The following UBXN4 variants were observed in gnomAD, a reference collection of about 807,000 sequenced individuals.
UBXN4 encodes the protein UBX domain protein 4, also known as UBX domain-containing protein 4.
In UBXN4, 35 loss-of-function variants were observed where a neutral mutation model predicts 66.2. The observed-to-expected ratio is 0.53, with a 90% confidence interval of 0.40 to 0.70. UBXN4 has a LOEUF of 0.70. UBXN4 is among the 30% of genes least tolerant of loss of function. The probability of loss-of-function intolerance (pLI) is 0.00; values close to 1 mark genes in which losing one functional copy is unlikely to be tolerated. For synonymous variants in UBXN4, 203 were observed against 204.5 expected, an observed-to-expected ratio of 0.99 and a Z score of 0.06; for missense variants, 533 against 599.8, an observed-to-expected ratio of 0.89 and a Z score of 1.16.
rs1160123341 is a variant in UBXN4, at chr2:135,754,388, C to A, written c.333+111C>A. On this transcript the variant is annotated intron_variant, in intron 4 of 12. Transcript: ENST00000272638. ...CCAGGCTGGAGTGCAGTGGTGTGAT[C>A]TCAGCTCAAGTGCAGCCTCCGCCTC... The A allele has an allele frequency of 1.0e-5, 8 of 793,768 alleles. No individual in the cohort carries two copies. In the Admixed American group the frequency reaches 1.7e-4, roughly 17 times the overall value. 49.2% of individuals were successfully genotyped at this position (793,768 alleles called of 1,614,324 possible).
intron 5 of UBXN4, among the ~76,000 whole-genome samples, chr2:135,756,775 G>C (rs2077281321): frequency 6.6e-6 from 1 of 152,020 alleles, no homozygotes; most frequent in Non-Finnish European, 1.5e-5. Flanking sequence ...TTATTGTACA[G>C]GTCTGGAGTT....
intron 6 of UBXN4, among the ~76,000 whole-genome samples, chr2:135,767,994 T>C (rs2077358101): frequency 6.6e-6 from 1 of 152,158 alleles, no homozygotes; most frequent in Non-Finnish European, 1.5e-5. Flanking sequence ...TTTTTGACAG[T>C]ACTCACTCCC....
intron 10 of UBXN4, among the ~76,000 whole-genome samples, chr2:135,777,016 C>T (rs530595759): frequency 2.0e-5 from 3 of 152,334 alleles, no homozygotes; most frequent in Admixed American, 2.0e-4. Flanking sequence ...TTTCTCACTC[C>T]TCTCTCCATT....
chr2:135,757,977 C>T (rs1366502689), intron 5 of UBXN4, among the ~76,000 whole-genome samples: 2 of 152,030 alleles, frequency 1.3e-5, no homozygotes, highest in Non-Finnish European at 2.9e-5. Flanking sequence ...GTGGCACAAA[C>T]ATAGCTCACT....
intron 6 of UBXN4, 101 bp from the exon 7 acceptor site, chr2:135,769,664 GTTTC>G (rs2077370335): frequency 2.3e-6 from 2 of 869,802 alleles, no homozygotes; most frequent in South Asian, 2.4e-5. Flanking sequence ...TTGTTTGTTT[GTTTC>G]TTTATTTCTC....
At chr2:135,754,098 G>A in intron 3 of UBXN4, 61 bp from the exon 4 acceptor site, 1 of 1,144,078 alleles carries the variant, frequency 8.7e-7, no homozygotes, top group Non-Finnish European at 1.3e-6. Context: ...GTTACCAATA[G>A]TGTTTCGTAA....
At chr2:135,774,013 T>C (rs1215869080) in intron 9 of UBXN4, among the ~76,000 whole-genome samples, 1 of 152,182 alleles carries the variant, frequency 6.6e-6, no homozygotes, top group Non-Finnish European at 1.5e-5. Flanking sequence ...CTGGCTTTTT[T>C]CCATAAATTA....
At chr2:135,772,287 C>T in intron 8 of UBXN4, 133 bp from the exon 9 acceptor site, 1 of 1,026,494 alleles carries the variant, frequency 9.7e-7, no homozygotes, top group Non-Finnish European at 1.4e-6. Context: ...TGTGCCACTG[C>T]ACTCCAGCCT....
intron 6 of UBXN4, among the ~76,000 whole-genome samples, chr2:135,766,843 C>T (rs745330263): frequency 1.5e-4 from 23 of 152,226 alleles, no homozygotes; most frequent in Middle Eastern, 6.8e-3. Context: ...AAACTTCACC[C>T]GGTGGTTTCA....
In UBXN4 at chr2:135,771,431, G is replaced by A. The variant is rs961557843; in HGVS notation, c.822+696G>A. On this transcript the variant is annotated intron_variant, in intron 8 of 12. Coordinates refer to ENST00000272638, the MANE Select transcript of UBXN4 (RefSeq NM_014607.4). ...GTGGAAGTTGCAGTAGGCTGACATG[G>A]TGCCATTGCACTCCAGCCTGGGCGA... is the stretch of plus-strand genomic sequence containing the variant. Among the ~76,000 whole-genome samples, 69 of 151,838 alleles carry A rather than the reference G, an allele frequency of 4.5e-4. 2 individuals carry two copies. Among genetic ancestry groups the A allele is most frequent in the Non-Finnish European group, 1.3e-4 (9 of 67,974 alleles).
At chr2:135,745,874 A>ATTTTTTT (rs1491420549) in intron 1 of UBXN4, among the ~76,000 whole-genome samples, 2 of 13,902 alleles carry the variant, frequency 1.4e-4, no homozygotes, top group Non-Finnish European at 4.4e-4. Flanking sequence ...AGTCCCGTTT[A>ATTTTTTT]CTTTTTTTTT....
chr2:135,750,533 A>C (rs963475482), intron 2 of UBXN4, among the ~76,000 whole-genome samples: 1 of 152,144 alleles, frequency 6.6e-6, no homozygotes, highest in Non-Finnish European at 1.5e-5. Context: ...AAATAAAAAA[A>C]TAAATTCAGA....
chr2:135,753,497 A>G, intron 2 of UBXN4, 42 bp from the exon 3 acceptor site: 2 of 1,500,634 alleles, frequency 1.3e-6, no homozygotes, highest in South Asian at 2.9e-5. Context: ...TTTAGAAAAT[A>G]CTTGCATTCA....
At chr2:135,744,260 T>G (rs2077193805) in intron 1 of UBXN4, among the ~76,000 whole-genome samples, 1 of 152,222 alleles carries the variant, frequency 6.6e-6, no homozygotes, top group African/African-American at 2.4e-5. Flanking sequence ...AAGAGTACAC[T>G]TTGGTTCATA....
At chr2:135,753,657 AT>A in intron 3 of UBXN4, 90 bp downstream of exon 3, 1 of 1,134,096 alleles carries the variant, frequency 8.8e-7, no homozygotes, top group South Asian at 1.8e-5. Flanking sequence ...ATTCATTTTT[AT>A]TTAGGAAATC....
chr2:135,775,302 A>G (rs1336636951), intron 9 of UBXN4, among the ~76,000 whole-genome samples: 2 of 152,238 alleles, frequency 1.3e-5, no homozygotes, highest in East Asian at 3.8e-4. Flanking sequence ...AGCAGTTTAT[A>G]CAGCAGTTTA....
Position 135,784,833 on chromosome 2 carries a change from G to A in UBXN4, c.*1946G>A, listed in dbSNP as rs767398617. 2.6e-4 allele frequency: 35 copies of A among 133,694 alleles called. 1 individual carries two copies. Among genetic ancestry groups the A allele is most frequent in the African/African-American group, 9.9e-4 (35 of 35,180 alleles). 8.3% of individuals were successfully genotyped at this position (133,694 alleles called of 1,614,324 possible). ...ATGCTTCGTAATTTTGGAGTAGGAG[G>A]TTCCCTCCTCAATTTTGTATTTTTA... is the stretch of plus-strand genomic sequence containing the variant. On this transcript the variant is annotated 3_prime_UTR_variant, in exon 13 of 13. Transcript: ENST00000272638.
intron 11 of UBXN4, 132 bp from the exon 12 acceptor site, chr2:135,780,051 T>C (rs556220152): frequency 2.2e-5 from 16 of 737,444 alleles, no homozygotes; most frequent in East Asian, 1.1e-4. Context: ...GCAAAAGATA[T>C]CATTTTACCC....
intron 3 of UBXN4, chr2:135,753,932 A>G (rs1345430684): frequency 4.2e-6 from 2 of 475,838 alleles, no homozygotes; most frequent in Non-Finnish European, 3.7e-6. Flanking sequence ...GGAAGTTATG[A>G]TAGAGGAGAA....
Sources: gnomAD v4.1 joint callset for allele counts (sites outside exome capture counted in the v4.1 genomes callset) on GRCh38, gnomAD v4.1.1 for gene constraint, MANE v1.5 for transcripts, NCBI Gene and HGNC (gene_info 2026-07-23, HGNC 2026-07-21) for gene names.